The following TFAP2E variants were observed in gnomAD, a reference collection of about 807,000 sequenced individuals.
The protein encoded by TFAP2E is transcription factor AP-2-epsilon.
TFAP2E carries 30 observed loss-of-function variants against 37.9 expected under a neutral mutation model. That is an observed-to-expected ratio of 0.79 (90% confidence interval 0.59 to 1.07). TFAP2E has a LOEUF of 1.07. Among genes scored for constraint, TFAP2E ranks in the 50% least tolerant of loss-of-function variants. The pLI, the probability that TFAP2E is intolerant of heterozygous loss-of-function variation, is 0.00. For missense variants in TFAP2E, 567 were observed against 637.9 expected (o/e 0.89, Z 1.20); for synonymous variants, 318 against 295.8 (o/e 1.08, Z -0.77).
In TFAP2E at chr1:35,588,379, A is replaced by T. The variant is rs767329883; in HGVS notation, c.612A>T (p.Lys204Asn). Residue 204 changes from lysine (K) to asparagine (N), a missense_variant, in exon 4 of 7, where the codon AAA becomes AAT. This residue lies in a region of TFAP2E where 312 missense variants were observed against 317.4 expected (regional missense o/e 0.98). Coordinates refer to ENST00000373235, the MANE Select transcript of TFAP2E (RefSeq NM_178548.4). The surrounding 1 kb of genome is among the most constrained non-coding windows in gnomAD (Gnocchi z 5.1). ...ASSLSALSLA[K>N]DSLVGGITNP... ...GCCTCTCAGCCCTCTCCTTGGCCAA[A>T]GACAGCCTGGTGGGCGGCATCACAA... The T allele has an allele frequency of 6.2e-7, 1 of 1,613,626 alleles. No individual in the cohort carries two copies. The highest frequency in any genetic ancestry group is 1.1e-5 in the South Asian group (1 of 91,082).
intron 4 of TFAP2E, 100 bp from the exon 5 acceptor site, chr1:35,589,830 G>A: frequency 8.2e-7 from 1 of 1,221,342 alleles, no homozygotes; most frequent in Non-Finnish European, 1.2e-6. Flanking sequence ...ACCTCAACAG[G>A]GGCTGGTGGA....
At position 35,574,004 on chromosome 1, in the gene TFAP2E, G is replaced by GC. The variant is rs1305586953; in HGVS notation, c.110dup (p.Leu38AlafsTer90). ...TGCCCCAGGCGGCCTACGGGCCGGC[G>GC]CCCCCGCTCTGCCACACGCCGGCCG... On this transcript the variant is annotated frameshift_variant, in exon 2 of 7. Transcript: ENST00000373235. LOFTEE classifies it high-confidence loss of function. The GC allele has an allele frequency of 2.0e-6, 3 of 1,484,410 alleles. No individual in the cohort carries two copies. The highest frequency in any genetic ancestry group is 2.7e-6 in the Non-Finnish European group (3 of 1,125,490). The allele number at this position is 1,484,410 out of a possible 1,614,324, so 92.0% of individuals were successfully genotyped here.
At chr1:35,575,128 G>A (rs1218287636) in intron 3 of TFAP2E, 128 bp downstream of exon 3, 29 of 1,224,600 alleles carry the variant, frequency 2.4e-5, no homozygotes, top group Non-Finnish European at 3.4e-5. Context: ...CACTCTTCCT[G>A]GCCCAGCCAG....
chr1:35,583,704 C>T (rs1028913407), intron 3 of TFAP2E, among the ~76,000 whole-genome samples: 1 of 151,800 alleles, frequency 6.6e-6, no homozygotes, highest in African/African-American at 2.4e-5. Flanking sequence ...CAGGAGTCAC[C>T]ACAGGGAATC....
intron 3 of TFAP2E, among the ~76,000 whole-genome samples, chr1:35,585,484 C>T (rs2148550580): frequency 6.6e-6 from 1 of 152,224 alleles, no homozygotes; most frequent in African/African-American, 2.4e-5. Context: ...TGCTGTCCAC[C>T]AAGTGGCCAC....
intron 3 of TFAP2E, among the ~76,000 whole-genome samples, chr1:35,587,263 G>A (rs58651594): frequency 0.074 from 11,205 of 152,278 alleles, 479 homozygotes; most frequent in African/African-American, 0.1. Flanking sequence ...CCCTTCCCCT[G>A]AGGCTAAGCA....
rs569021742 is a variant in TFAP2E at position 35,589,821 on chromosome 1, C to T, written c.786-109C>T. 1,517 of 1,150,862 alleles carry T rather than the reference C, an allele frequency of 1.3e-3. 27 individuals carry two copies. In the South Asian group the frequency reaches 0.018, roughly 14 times the overall value. 71.3% of individuals were successfully genotyped at this position (1,150,862 alleles called of 1,614,324 possible). ...GAGCATCCCCAGGACCAATCCCAAA[C>T]CTCAACAGGGGCTGGTGGAGGCAAC... On this transcript the variant is annotated intron_variant, in intron 4 of 6. Coordinates refer to ENST00000373235, the MANE Select transcript of TFAP2E (RefSeq NM_178548.4).
chr1:35,575,284 G>A (rs114491457), intron 3 of TFAP2E, among the ~76,000 whole-genome samples: 1,694 of 152,368 alleles, frequency 0.011, 34 homozygotes, highest in African/African-American at 0.039. Flanking sequence ...TGGATCTGGA[G>A]TTGATTTGCA....
chr1:35,573,658 T>C lies in TFAP2E; in HGVS notation c.27+54T>C. On this transcript the variant is annotated intron_variant, in intron 1 of 6. Coordinates refer to ENST00000373235, the MANE Select transcript of TFAP2E (RefSeq NM_178548.4). The surrounding 1 kb of genome is among the most constrained non-coding windows in gnomAD (Gnocchi z 5.9). ...CGGCCGGGGGATCGGGGCGCCTGAG[T>C]GCTGGACTTTCCAACCCTCCTGTCC... is the stretch of plus-strand genomic sequence containing the variant. 6.5e-7 allele frequency: 1 copy of C among 1,532,600 alleles called. No homozygotes were observed. The highest frequency in any genetic ancestry group is 8.8e-7 in the Non-Finnish European group (1 of 1,140,004). 94.9% of individuals were successfully genotyped at this position (1,532,600 alleles called of 1,614,324 possible).
intron 4 of TFAP2E, among the ~76,000 whole-genome samples, chr1:35,589,188 CTGTGTGTGTGTGTGTGTGTG>C (rs757213879): frequency 9.5e-5 from 12 of 125,936 alleles, no homozygotes; most frequent in Admixed American, 4.7e-4. Context: ...GTGTCCTGCT[CTGTGTGTGTGTGTGTGTGTG>C]TGTGTGTGTG....
At position 35,574,299 on chromosome 1, in the gene TFAP2E, A is replaced by G; in HGVS notation, c.400A>G (p.Thr134Ala). 1 of 1,453,302 alleles carries G rather than the reference A, an allele frequency of 6.9e-7. No homozygotes were observed. The highest frequency in any genetic ancestry group is 9.0e-7 in the Non-Finnish European group (1 of 1,109,030). The allele number at this position is 1,453,302 out of a possible 1,614,324, so 90.0% of individuals were successfully genotyped here. Residue 134 changes from threonine (T) to alanine (A), a missense_variant, in exon 2 of 7, where the codon ACT becomes GCT. By Grantham distance (58) the Thr-to-Ala change is moderately conservative. Coordinates refer to ENST00000373235, the MANE Select transcript of TFAP2E (RefSeq NM_178548.4). ...LGLDPRRDYA[T>A]AVPRLLHGLA... ...CCTTGACCCGCGCCGTGACTATGCC[A>G]CTGCCGTGCCCCGGCTCCTGCACGG... is the stretch of plus-strand genomic sequence containing the variant.
Position 35,590,628 on chromosome 1 carries a change from C to G in TFAP2E, c.905-6C>G. 1 of 1,483,302 alleles carries G rather than the reference C, an allele frequency of 6.7e-7. No individual in the cohort carries two copies. Among genetic ancestry groups the G allele is most frequent in the Non-Finnish European group, 9.1e-7 (1 of 1,104,748 alleles). 91.9% of individuals were successfully genotyped at this position (1,483,302 alleles called of 1,614,324 possible). A position where few individuals can be genotyped will look rare whatever the true frequency, so the allele number is the denominator to read the frequency against. Reference sequence around the variant, plus strand: ...CCTGCAGTAGTGACAGCTCCCCTCCCCCCAGGAGAGGCCGTGCACCTGGCC... The same window carrying G: ...CCTGCAGTAGTGACAGCTCCCCTCCGCCCAGGAGAGGCCGTGCACCTGGCC... On this transcript the variant is annotated splice_polypyrimidine_tract_variant and splice_region_variant and intron_variant, in intron 5 of 6. Coordinates refer to ENST00000373235, the MANE Select transcript of TFAP2E (RefSeq NM_178548.4). The surrounding 1 kb of genome is among the most constrained non-coding windows in gnomAD (Gnocchi z 6.2).
intron 4 of TFAP2E, among the ~76,000 whole-genome samples, chr1:35,589,208 G>A (rs1477545468): frequency 1.3e-5 from 2 of 149,864 alleles, no homozygotes; most frequent in African/African-American, 5.0e-5. Context: ...GTGTGTGTGT[G>A]TGTGTGTGTG....
chr1:35,573,337 G>A lies in TFAP2E; in HGVS notation c.-241G>A. 1 of 451,168 alleles carries A rather than the reference G, an allele frequency of 2.2e-6. No homozygotes were observed. Among genetic ancestry groups the A allele is most frequent in the Non-Finnish European group, 3.8e-6 (1 of 261,028 alleles). 27.9% of individuals were successfully genotyped at this position (451,168 alleles called of 1,614,324 possible). A position where few individuals can be genotyped will look rare whatever the true frequency, so the allele number is the denominator to read the frequency against. ...TCAGAGGAGGAAGGGCGGGCGCTGGGCACCCGTTGACCGACTTTTCCAAGT... is the reference window on the plus strand; with the variant it reads ...TCAGAGGAGGAAGGGCGGGCGCTGGACACCCGTTGACCGACTTTTCCAAGT... On this transcript the variant is annotated 5_prime_UTR_variant, in exon 1 of 7. Transcript: ENST00000373235. The surrounding 1 kb of genome is among the most constrained non-coding windows in gnomAD (Gnocchi z 5.9).
chr1:35,574,243 G>T lies in TFAP2E; in HGVS notation c.344G>T (p.Gly115Val). 1.5e-6 allele frequency: 2 copies of T among 1,294,432 alleles called. No individual in the cohort carries two copies. Among genetic ancestry groups the T allele is most frequent in the Non-Finnish European group, 2.0e-6 (2 of 1,016,316 alleles). 80.2% of individuals were successfully genotyped at this position (1,294,432 alleles called of 1,614,324 possible). Residue 115 changes from glycine (G) to valine (V), a missense_variant, in exon 2 of 7, where the codon GGC becomes GTC. Physicochemically the swap from Gly to Val is moderately radical, Grantham distance 109 (BLOSUM62 -3). This residue lies in a region of TFAP2E where 312 missense variants were observed against 317.4 expected (regional missense o/e 0.98). Transcript: ENST00000373235. ...GCCCGCGCCCACGAGGAGCCTCCCG[G>T]CCTGCTGGCACCGCCCGCCCGCGCC... ...AAARAHEEPP[G>V]LLAPPARALG...
chr1:35,590,813 C>T lies in TFAP2E; in HGVS notation c.1046+38C>T, dbSNP rs746150031. ...ACCCTGCACAGGCACACGTGGGTGCCATGCACAGACAGACATCATGTATGG... is the reference window on the plus strand; with the variant it reads ...ACCCTGCACAGGCACACGTGGGTGCTATGCACAGACAGACATCATGTATGG... On this transcript the variant is annotated intron_variant, in intron 6 of 6. Transcript: ENST00000373235. This position sits in a 1 kb window ranked among gnomAD's most constrained non-coding sequence, Gnocchi z 6.2. 7.3e-7 allele frequency: 1 copy of T among 1,362,782 alleles called. No homozygotes were observed. Among genetic ancestry groups the T allele is most frequent in the Non-Finnish European group, 9.6e-7 (1 of 1,042,442 alleles). 84.4% of individuals were successfully genotyped at this position (1,362,782 alleles called of 1,614,324 possible). A position where few individuals can be genotyped will look rare whatever the true frequency, so the allele number is the denominator to read the frequency against.
rs745416678 is a variant in TFAP2E at position 35,588,504 on chromosome 1, C to T, written c.737C>T (p.Ser246Leu). The change falls in exon 4 of 7, where the codon TCG becomes TTG. Residue 246 changes from serine (S) to leucine (L), a missense_variant. Physicochemically the swap from Ser to Leu is moderately radical, Grantham distance 145. Coordinates refer to ENST00000373235, the MANE Select transcript of TFAP2E (RefSeq NM_178548.4). This position sits in a 1 kb window ranked among gnomAD's most constrained non-coding sequence, Gnocchi z 5.1. ...GTGGGGGAGGTGCAGCGGCGACTCT[C>T]GCCTCCCGAGTGCCTCAACGCCTCC... ...VTVGEVQRRL[S>L]PPECLNASLL... The T allele has an allele frequency of 1.4e-5, 23 of 1,606,220 alleles. No homozygotes were observed. The highest frequency in any genetic ancestry group is 8.8e-5 in the South Asian group (8 of 90,868).
At position 35,589,922 on chromosome 1, in the gene TFAP2E, A is replaced by C; in HGVS notation, c.786-8A>C. On this transcript the variant is annotated splice_region_variant and splice_polypyrimidine_tract_variant and intron_variant, in intron 4 of 6. Coordinates refer to ENST00000373235, the MANE Select transcript of TFAP2E (RefSeq NM_178548.4). ...GTTGTATGTCTGTCTGTCTCTGTGC[A>C]TGTCAAGGGCCAAGTCCAAAAATGG... is the stretch of plus-strand genomic sequence containing the variant. 1 of 1,613,726 alleles carries C rather than the reference A, an allele frequency of 6.2e-7. No homozygotes were observed. Among genetic ancestry groups the C allele is most frequent in the East Asian group, 2.2e-5 (1 of 44,862 alleles).
chr1:35,586,506 A>G (rs1033131819), intron 3 of TFAP2E, among the ~76,000 whole-genome samples: 8 of 152,148 alleles, frequency 5.3e-5, no homozygotes, highest in African/African-American at 1.9e-4. Context: ...GGGTGACCAG[A>G]GCAAGGTCTG....
Sources: allele counts gnomAD v4.1 joint callset (sites outside exome capture counted in the v4.1 genomes callset), GRCh38; gene constraint gnomAD v4.1.1; regional missense constraint gnomAD v4.1.1; non-coding constraint Gnocchi (gnomAD v3.1); transcripts MANE v1.5; gene names NCBI Gene and HGNC (gene_info 2026-07-23, HGNC 2026-07-21).